CAPZB: variants seen among roughly 807,000 people sequenced by gnomAD.
CAPZB encodes the protein F-actin-capping protein subunit beta.
CAPZB carries 2 observed loss-of-function variants against 38.1 expected under a neutral mutation model. The ratio of observed to expected loss-of-function variants is 0.05; its 90% CI spans 0.02 to 0.17. The LOEUF (loss-of-function observed/expected upper bound fraction) is 0.17, where lower values mean the gene tolerates loss of function less well. Among genes scored for constraint, CAPZB ranks in the 10% least tolerant of loss-of-function variants. The pLI is 1.00. For missense variants in CAPZB, 161 were observed against 334.2 expected, an observed-to-expected ratio of 0.48 and a Z score of 4.04; for synonymous variants, 107 against 127.4, an observed-to-expected ratio of 0.84 and a Z score of 1.08.
intron 6 of CAPZB, among the ~76,000 whole-genome samples, chr1:19,351,238 C>T (rs951476484): frequency 2.6e-5 from 4 of 151,932 alleles, no homozygotes; most frequent in Non-Finnish European, 5.9e-5. Context: ...GCCTTGGCCT[C>T]CCAAAGTGCT....
At chr1:19,435,077 A>G (rs2094454189) in intron 1 of CAPZB, among the ~76,000 whole-genome samples, 1 of 147,412 alleles carries the variant, frequency 6.8e-6, no homozygotes, top group African/African-American at 2.5e-5. Flanking sequence ...AACATTCCCT[A>G]AAGGCATGAG....
intron 1 of CAPZB, among the ~76,000 whole-genome samples, chr1:19,432,837 T>C (rs1182737129): frequency 6.6e-6 from 1 of 152,242 alleles, no homozygotes; most frequent in East Asian, 1.9e-4. Context: ...TCTAACGACT[T>C]GTAGGGAACA....
intron 3 of CAPZB, among the ~76,000 whole-genome samples, chr1:19,382,952 T>C (rs2094183033): frequency 6.6e-6 from 1 of 152,080 alleles, no homozygotes; most frequent in Admixed American, 6.6e-5. Flanking sequence ...TTCACTGGAC[T>C]TCTCTCTCTA....
At chr1:19,419,552 G>C in intron 2 of CAPZB, 109 bp downstream of exon 2, 1 of 680,238 alleles carries the variant, frequency 1.5e-6, no homozygotes, top group Non-Finnish European at 2.7e-6. Flanking sequence ...TGGTCTGCCA[G>C]GGAGAGAAAA....
intron 2 of CAPZB, among the ~76,000 whole-genome samples, chr1:19,389,893 G>T (rs781335043): frequency 2.0e-5 from 3 of 152,116 alleles, no homozygotes; most frequent in Non-Finnish European, 4.4e-5. Context: ...AATGCTTTGG[G>T]GATGGCTGTT....
At chr1:19,378,989 G>A (rs1344429667) in intron 3 of CAPZB, among the ~76,000 whole-genome samples, 2 of 152,086 alleles carry the variant, frequency 1.3e-5, no homozygotes, top group Non-Finnish European at 2.9e-5. Flanking sequence ...AATGAGACAA[G>A]CAGATCAAGC....
chr1:19,484,165 C>T, intron 1 of CAPZB: 1 of 1,606,692 alleles, frequency 6.2e-7, no homozygotes, highest in Non-Finnish European at 8.5e-7. Flanking sequence ...GCGGAGCCAG[C>T]ACTCTCCCTA....
chr1:19,408,455 C>A (rs1250140693), intron 2 of CAPZB, among the ~76,000 whole-genome samples: 3 of 152,178 alleles, frequency 2.0e-5, no homozygotes, highest in African/African-American at 7.2e-5. Flanking sequence ...CCTAGTGAGC[C>A]TTCTCTTCTG....
chr1:19,355,300 C>T (rs555404979), intron 6 of CAPZB, among the ~76,000 whole-genome samples: 109 of 152,184 alleles, frequency 7.2e-4, no homozygotes, highest in African/African-American at 2.5e-3. Context: ...TCAAGACCAG[C>T]CTGGCCAACA....
chr1:19,342,929 G>A, intron 8 of CAPZB: 2 of 971,898 alleles, frequency 2.1e-6, no homozygotes, highest in East Asian at 2.4e-5. Flanking sequence ...CAGGAACGCA[G>A]GGGGCCACAG....
chr1:19,456,911 A>C (rs2094534828), intron 1 of CAPZB, among the ~76,000 whole-genome samples: 1 of 152,236 alleles, frequency 6.6e-6, no homozygotes, highest in African/African-American at 2.4e-5. Flanking sequence ...AAGAGCACTA[A>C]TAAAGGTCAT....
At chr1:19,484,658 A>G (rs2094644377) in intron 1 of CAPZB, 1 of 1,166,616 alleles carries the variant, frequency 8.6e-7, no homozygotes, top group East Asian at 6.1e-5. Flanking sequence ...CGCCCCAGGT[A>G]CAGGGAAGGG....
chr1:19,450,162 A>AAG (rs2094510896), intron 1 of CAPZB, among the ~76,000 whole-genome samples: 1 of 131,006 alleles, frequency 7.6e-6, no homozygotes, highest in Non-Finnish European at 1.6e-5. Flanking sequence ...AAAAAAAAAA[A>AAG]AAAAAAAGAA....
intron 2 of CAPZB, among the ~76,000 whole-genome samples, chr1:19,394,503 C>T (rs2094255320): frequency 1.3e-5 from 2 of 152,264 alleles, no homozygotes; most frequent in South Asian, 4.2e-4. Flanking sequence ...GGCGGATCAC[C>T]TGAGGTCAGG....
At chr1:19,428,463 C>T (rs1014677597) in intron 1 of CAPZB, among the ~76,000 whole-genome samples, 4 of 151,696 alleles carry the variant, frequency 2.6e-5, no homozygotes, top group African/African-American at 9.7e-5. Context: ...TTAAAGTGAA[C>T]AATTCAGTGG....
chr1:19,339,334 C>T lies in CAPZB; in HGVS notation c.*196G>A. ...GGAGAGAACTGAGAGCGAGGTGTGG[C>T]AGAAGCAGGCTCGGAGCCGGAGGAG... On this transcript the variant is annotated 3_prime_UTR_variant, in exon 9 of 9. Transcript: ENST00000264202. 1 of 628,662 alleles carries T rather than the reference C, an allele frequency of 1.6e-6. No homozygotes were observed. Among genetic ancestry groups the T allele is most frequent in the Non-Finnish European group, 2.8e-6 (1 of 351,920 alleles). The allele number at this position is 628,662 out of a possible 1,614,324, so 38.9% of individuals were successfully genotyped here.
At chr1:19,452,098 C>A (rs1032327944) in intron 1 of CAPZB, among the ~76,000 whole-genome samples, 4 of 152,078 alleles carry the variant, frequency 2.6e-5, no homozygotes, top group Non-Finnish European at 5.9e-5. Context: ...CTTACCTGGC[C>A]AGTCCTCACT....
At chr1:19,422,933 T>C (rs556338085) in intron 1 of CAPZB, among the ~76,000 whole-genome samples, 6 of 152,308 alleles carry the variant, frequency 3.9e-5, no homozygotes, top group Admixed American at 6.5e-5. Context: ...AGCAGTGTTA[T>C]CTAGGAAAAG....
chr1:19,345,883 A>G (rs1271250261), intron 6 of CAPZB, among the ~76,000 whole-genome samples: 1 of 152,102 alleles, frequency 6.6e-6, no homozygotes, highest in Non-Finnish European at 1.5e-5. Flanking sequence ...CTGCGAGGAG[A>G]GTTTGAGCAA....
Sources: gnomAD v4.1 joint callset for allele counts (sites outside exome capture counted in the v4.1 genomes callset) on GRCh38, gnomAD v4.1.1 for gene constraint, MANE v1.5 for transcripts, NCBI Gene and HGNC (gene_info 2026-07-23, HGNC 2026-07-21) for gene names.